RAPGEF5: variants seen among roughly 807,000 people sequenced by gnomAD.
RAPGEF5 encodes the protein M-Ras-regulated GEF.
RAPGEF5 carries 65 observed loss-of-function variants against 125.2 expected under a neutral mutation model. The observed-to-expected ratio is 0.52, with a 90% CI of 0.43 to 0.64. The LOEUF (loss-of-function observed/expected upper bound fraction) is 0.64, where lower values mean the gene tolerates loss of function less well. Ranked by LOEUF, RAPGEF5 falls within the 30% of genes least tolerant of loss-of-function variation. The probability of loss-of-function intolerance (pLI) is 0.00; values close to 1 mark genes in which losing one functional copy is unlikely to be tolerated. For missense variants in RAPGEF5, 958 were observed against 1,048.1 expected (o/e 0.91, Z 1.19); for synonymous variants, 391 against 385.9 (o/e 1.01, Z -0.16).
intron 1 of RAPGEF5, among the ~76,000 whole-genome samples, chr7:22,342,332 C>A (rs938494096): frequency 6.6e-6 from 1 of 152,244 alleles, no homozygotes; most frequent in African/African-American, 2.4e-5. Context: ...CGTTTTCCTC[C>A]TAGGCCTCTG....
At position 22,177,110 on chromosome 7, in the gene RAPGEF5, G is replaced by T. The variant is rs947570969; in HGVS notation, c.1205-9962C>A. Reference sequence around the variant, plus strand: ...AAGGTTTGGTCAGCAACCATTTACTGAACTTCTGTGACTAAGGGATGACAA... The same window carrying T: ...AAGGTTTGGTCAGCAACCATTTACTTAACTTCTGTGACTAAGGGATGACAA... On this transcript the variant is annotated intron_variant, in intron 11 of 25. Transcript: ENST00000665637. Among the ~76,000 whole-genome samples, 10 of 152,284 alleles carry T rather than the reference G, an allele frequency of 6.6e-5. No individual in the cohort carries two copies. The South Asian group carries it at 2.1e-3, about 32-fold the overall frequency.
intron 11 of RAPGEF5, among the ~76,000 whole-genome samples, chr7:22,169,462 C>A (rs1330098430): frequency 1.3e-5 from 2 of 152,070 alleles, no homozygotes; most frequent in African/African-American, 4.8e-5. Flanking sequence ...AAAACTATTC[C>A]TCTGGGCCTG....
At chr7:22,216,524 C>A (rs1035418258) in intron 9 of RAPGEF5, among the ~76,000 whole-genome samples, 14 of 152,190 alleles carry the variant, frequency 9.2e-5, no homozygotes, top group African/African-American at 3.4e-4. Context: ...TCAAAGGTCC[C>A]CATCTGATAA....
intron 1 of RAPGEF5, among the ~76,000 whole-genome samples, chr7:22,337,641 G>A (rs1784050841): frequency 6.6e-6 from 1 of 152,126 alleles, no homozygotes; most frequent in African/African-American, 2.4e-5. Flanking sequence ...AATGACCCAG[G>A]GCAGTCTGGA....
intron 5 of RAPGEF5, chr7:22,298,818 T>A (rs1562516108): frequency 6.6e-6 from 1 of 152,254 alleles, no homozygotes; most frequent in Non-Finnish European, 1.5e-5. Flanking sequence ...CAGATTCTTG[T>A]TGAAGGACCA....
intron 6 of RAPGEF5, among the ~76,000 whole-genome samples, chr7:22,279,090 T>C (rs935539138): frequency 1.1e-4 from 17 of 152,162 alleles, no homozygotes; most frequent in African/African-American, 3.9e-4. Flanking sequence ...ATCCATAGGC[T>C]CTTTTGTTTT....
chr7:22,172,805 A>G (rs759258795), intron 11 of RAPGEF5, among the ~76,000 whole-genome samples: 2 of 152,262 alleles, frequency 1.3e-5, no homozygotes, highest in East Asian at 3.8e-4. Context: ...GTTACGTAGG[A>G]AAAATTATAT....
intron 3 of RAPGEF5, among the ~76,000 whole-genome samples, chr7:22,312,897 T>A (rs756591909): frequency 6.6e-6 from 1 of 152,096 alleles, no homozygotes; most frequent in Non-Finnish European, 1.5e-5. Flanking sequence ...TCTGCTACAA[T>A]ATGGTTAAAA....
Position 22,260,799 on chromosome 7 carries a change from T to C in RAPGEF5, c.796+6165A>G, listed in dbSNP as rs1243698139. On this transcript the variant is annotated intron_variant, in intron 7 of 25. Coordinates refer to ENST00000665637, the MANE Select transcript of RAPGEF5 (RefSeq NM_012294.5). ...GAGAACAAGAAAAGTAAGAAGAGAC[T>C]TGCCTTACCCACCCAATGCCCCACT... Among the ~76,000 whole-genome samples, 8 of 152,056 alleles carry C rather than the reference T, an allele frequency of 5.3e-5. No individual in the cohort carries two copies. In the East Asian group the frequency reaches 1.3e-3, roughly 26 times the overall value.
chr7:22,340,076 T>G (rs1207650452), intron 1 of RAPGEF5, among the ~76,000 whole-genome samples: 1 of 152,116 alleles, frequency 6.6e-6, no homozygotes, highest in African/African-American at 2.4e-5. Context: ...AGAGGTGTGC[T>G]TCAATCATCC....
intron 7 of RAPGEF5, among the ~76,000 whole-genome samples, chr7:22,243,972 A>G (rs1786405686): frequency 6.6e-6 from 1 of 151,772 alleles, no homozygotes; most frequent in South Asian, 2.1e-4. Flanking sequence ...CTACCTTTCT[A>G]CTCTCTACTT....
chr7:22,160,756 C>A, intron 13 of RAPGEF5, 141 bp from the exon 14 acceptor site: 1 of 999,730 alleles, frequency 1.0e-6, no homozygotes, highest in Non-Finnish European at 1.3e-6. Context: ...CCAATGAGAT[C>A]CAGAATGGGA....
intron 5 of RAPGEF5, among the ~76,000 whole-genome samples, chr7:22,297,156 T>G (rs551586709): frequency 6.6e-6 from 1 of 152,102 alleles, no homozygotes; most frequent in South Asian, 2.1e-4. Context: ...TATCAACACA[T>G]GCTGAAAAGA....
At chr7:22,225,647 G>T (rs1221866187) in intron 8 of RAPGEF5, among the ~76,000 whole-genome samples, 2 of 152,138 alleles carry the variant, frequency 1.3e-5, no homozygotes, top group Non-Finnish European at 2.9e-5. Context: ...TGGGAGCTTT[G>T]CTATGGCAGG....
rs1783092789 is a variant in RAPGEF5 at position 22,297,653 on chromosome 7, C to CT, written c.681-6413dup. ...GCTAGATGGCCATGGCCAGTGATGGCTGAAGAGAGAGGAAGTATTAATCCT... is the reference window on the plus strand; with the variant it reads ...GCTAGATGGCCATGGCCAGTGATGGCTTGAAGAGAGAGGAAGTATTAATCCT... On this transcript the variant is annotated intron_variant, in intron 5 of 25. Coordinates refer to ENST00000665637, the MANE Select transcript of RAPGEF5 (RefSeq NM_012294.5). Among the ~76,000 whole-genome samples the CT allele has an allele frequency of 2.0e-5, 3 of 152,226 alleles. 1 individual carries two copies. The South Asian group carries it at 6.2e-4, about 32-fold the overall frequency.
intron 6 of RAPGEF5, among the ~76,000 whole-genome samples, chr7:22,279,697 G>A (rs562227975): frequency 6.6e-6 from 1 of 152,318 alleles, no homozygotes; most frequent in Non-Finnish European, 1.5e-5. Context: ...AGATTATTCA[G>A]GAGGGATCAA....
intron 7 of RAPGEF5, among the ~76,000 whole-genome samples, chr7:22,256,068 T>C (rs1197157510): frequency 6.6e-6 from 1 of 152,116 alleles, no homozygotes; most frequent in East Asian, 1.9e-4. Flanking sequence ...CAGCAGCCAT[T>C]CTCCCCTCTG....
At chr7:22,353,858 C>A (rs1040130110) in intron 1 of RAPGEF5, among the ~76,000 whole-genome samples, 23 of 152,136 alleles carry the variant, frequency 1.5e-4, no homozygotes, top group African/African-American at 5.5e-4. Context: ...TGATTTTTTC[C>A]TAGTAACAGA....
intron 23 of RAPGEF5, among the ~76,000 whole-genome samples, chr7:22,131,345 C>T (rs994723470): frequency 1.3e-5 from 2 of 152,118 alleles, no homozygotes; most frequent in Non-Finnish European, 2.9e-5. Context: ...ATATATTTTG[C>T]ACTCATAATG....
Sources: allele counts gnomAD v4.1 joint callset (sites outside exome capture counted in the v4.1 genomes callset), GRCh38; gene constraint gnomAD v4.1.1; transcripts MANE v1.5; gene names NCBI Gene and HGNC (gene_info 2026-07-23, HGNC 2026-07-21).